DNM3: variants seen among roughly 807,000 people sequenced by gnomAD.
The protein encoded by DNM3 is dynamin-3.
A neutral mutation model predicts 101.6 loss-of-function variants in DNM3; 47 were observed. The observed-to-expected ratio is 0.46, with a 90% CI of 0.37 to 0.59. DNM3 has a LOEUF of 0.59. Ranked by LOEUF, DNM3 falls within the 20% of genes least tolerant of loss-of-function variation. The pLI, the probability that DNM3 is intolerant of heterozygous loss-of-function variation, is 0.00. For synonymous variants in DNM3, 385 were observed against 387.9 expected, an observed-to-expected ratio of 0.99 and a Z score of 0.09; for missense variants, 849 against 1,085.7, an observed-to-expected ratio of 0.78 and a Z score of 3.06.
chr1:172,339,548 A>C (rs958335097), intron 17 of DNM3, among the ~76,000 whole-genome samples: 2 of 152,050 alleles, frequency 1.3e-5, no homozygotes, highest in African/African-American at 4.8e-5. Flanking sequence ...TGTAACAAAC[A>C]CTTGGTGTTT....
intron 10 of DNM3, among the ~76,000 whole-genome samples, chr1:172,057,891 C>A (rs1237599992): frequency 7.3e-6 from 1 of 136,390 alleles, no homozygotes; most frequent in Non-Finnish European, 1.6e-5. Context: ...TTAAAAGACA[C>A]AGACTGGCAA....
chr1:172,312,186 T>A (rs945479269), intron 16 of DNM3, among the ~76,000 whole-genome samples: 6 of 152,226 alleles, frequency 3.9e-5, no homozygotes, highest in African/African-American at 1.4e-4. Context: ...TGCCTCCGTC[T>A]GTGTAAATTT....
chr1:172,260,779 A>G (rs1475269044), intron 15 of DNM3, among the ~76,000 whole-genome samples: 1 of 152,038 alleles, frequency 6.6e-6, no homozygotes, highest in Non-Finnish European at 1.5e-5. Context: ...CATTTTAAAT[A>G]TATACTTTAA....
rs75113236 is a variant in DNM3, at chr1:172,344,277, G to T, written c.1893+20937G>T. Among the ~76,000 whole-genome samples, 1,252 of 152,260 alleles carry T rather than the reference G, an allele frequency of 8.2e-3. 26 individuals are homozygous for T. The highest frequency in any genetic ancestry group is 0.029 in the African/African-American group (1,191 of 41,548). ...GGATGAGGAATTGCAACCATATTTTGCCAAGAATTGTGAGTGGTTGCTCTG... is the reference window on the plus strand; with the variant it reads ...GGATGAGGAATTGCAACCATATTTTTCCAAGAATTGTGAGTGGTTGCTCTG... On this transcript the variant is annotated intron_variant, in intron 17 of 20. Coordinates refer to ENST00000627582, the MANE Select transcript of DNM3 (RefSeq NM_015569.5).
intron 2 of DNM3, among the ~76,000 whole-genome samples, chr1:171,983,076 CA>C (rs1439426041): frequency 6.6e-6 from 1 of 152,092 alleles, no homozygotes; most frequent in Non-Finnish European, 1.5e-5. Flanking sequence ...ATTAATTTGC[CA>C]TCTTTACAAA....
chr1:172,029,274 T>C (rs1031117207), intron 4 of DNM3, among the ~76,000 whole-genome samples: 6 of 152,138 alleles, frequency 3.9e-5, no homozygotes, highest in African/African-American at 1.4e-4. Flanking sequence ...TCAATAAACA[T>C]AATCCATCAC....
intron 7 of DNM3, among the ~76,000 whole-genome samples, chr1:172,039,204 C>T (rs749235882): frequency 6.6e-6 from 1 of 152,094 alleles, no homozygotes; most frequent in Admixed American, 6.6e-5. Context: ...AAGTCCCTCT[C>T]AACAGGAAGG....
rs187941765 is a variant in DNM3, at chr1:171,866,578, A to G, written c.161+24761A>G. Among the ~76,000 whole-genome samples, 4 of 152,274 alleles carry G rather than the reference A, an allele frequency of 2.6e-5. No homozygotes were observed. In the East Asian group the frequency reaches 7.7e-4, roughly 29 times the overall value. On this transcript the variant is annotated intron_variant, in intron 1 of 20. Transcript: ENST00000627582. ...TTATCCTTTCCCTCAAAGATCTCAC[A>G]GACTTATGTAGAAGAATTGGTAAAT...
At chr1:172,076,462 T>C (rs2052654660) in intron 11 of DNM3, among the ~76,000 whole-genome samples, 1 of 152,214 alleles carries the variant, frequency 6.6e-6, no homozygotes, top group African/African-American at 2.4e-5. Context: ...GTGTCATAAA[T>C]AGCTCTTATT....
chr1:172,183,765 T>C (rs1279039127), intron 14 of DNM3, among the ~76,000 whole-genome samples: 1 of 108,968 alleles, frequency 9.2e-6, no homozygotes, highest in African/African-American at 3.7e-5. Flanking sequence ...CATGCCCAGC[T>C]AATTTTTTTT....
chr1:172,323,971 AAC>A (rs1236423693), intron 17 of DNM3, among the ~76,000 whole-genome samples: 2 of 152,186 alleles, frequency 1.3e-5, no homozygotes, highest in Non-Finnish European at 2.9e-5. Flanking sequence ...GAAACCAGGC[AAC>A]ACACAGGAAT....
chr1:171,864,701 A>G (rs2125057760), intron 1 of DNM3: 1 of 152,302 alleles, frequency 6.6e-6, no homozygotes, highest in Non-Finnish European at 1.5e-5. Context: ...TGGGATTGTC[A>G]TTGTGTGGCT....
chr1:172,312,262 A>G (rs2065114905), intron 16 of DNM3, among the ~76,000 whole-genome samples: 1 of 152,204 alleles, frequency 6.6e-6, no homozygotes, highest in Non-Finnish European at 1.5e-5. Flanking sequence ...CAAATCAGTC[A>G]ATTGCTACCC....
Position 171,842,064 on chromosome 1 carries a change from G to T in DNM3, c.161+247G>T, listed in dbSNP as rs1003402155. 1.3e-5 allele frequency among the ~76,000 whole-genome samples: 2 copies of T among 152,114 alleles called. 1 individual carries two copies. Among genetic ancestry groups the T allele is most frequent in the Non-Finnish European group, 2.9e-5 (2 of 68,018 alleles). On this transcript the variant is annotated intron_variant, in intron 1 of 20. Transcript: ENST00000627582. ...CCCTCCTGCCTGCCTTTCATCGTGC[G>T]ATACAAAGCCATTTCCTCCCTGTCC...
At chr1:171,857,620 T>C (rs1471281647) in intron 1 of DNM3, among the ~76,000 whole-genome samples, 1 of 152,168 alleles carries the variant, frequency 6.6e-6, no homozygotes, top group Non-Finnish European at 1.5e-5. Flanking sequence ...GGTTCAAAAC[T>C]GTTTAAAACT....
intron 17 of DNM3, among the ~76,000 whole-genome samples, chr1:172,369,016 G>A (rs1187745151): frequency 2.0e-5 from 3 of 151,844 alleles, no homozygotes; most frequent in Admixed American, 6.6e-5. Flanking sequence ...GAAAAGCCCA[G>A]GACCAAATGG....
intron 2 of DNM3, among the ~76,000 whole-genome samples, chr1:171,938,255 G>A (rs1278535344): frequency 6.6e-6 from 1 of 151,924 alleles, no homozygotes; most frequent in Non-Finnish European, 1.5e-5. Context: ...AATTCTAATA[G>A]CATCAAGGTT....
At chr1:171,882,711 C>T (rs2036395586) in intron 1 of DNM3, among the ~76,000 whole-genome samples, 1 of 152,058 alleles carries the variant, frequency 6.6e-6, no homozygotes, top group Admixed American at 6.5e-5. Context: ...TCTCGTAACT[C>T]CATTTTCTTT....
chr1:172,418,167 C>G, intron 20 of DNM3: 1 of 805,854 alleles, frequency 1.2e-6, no homozygotes, highest in Non-Finnish European at 1.7e-6. Flanking sequence ...CTTTTGTGAG[C>G]TATTTTTGCA....
Sources: gnomAD v4.1 joint callset for allele counts (sites outside exome capture counted in the v4.1 genomes callset) on GRCh38, gnomAD v4.1.1 for gene constraint, MANE v1.5 for transcripts, NCBI Gene and HGNC (gene_info 2026-07-23, HGNC 2026-07-21) for gene names.